The following LRRC72 variants were observed in gnomAD, a reference collection of about 807,000 sequenced individuals.
LRRC72 encodes the protein leucine-rich repeat-containing protein 72.
In LRRC72, 41 loss-of-function variants were observed where a neutral mutation model predicts 35.8. That is an observed-to-expected ratio of 1.15 (90% CI 0.89 to 1.49). The LOEUF is 1.49. LRRC72 is among the 40% of genes most tolerant of loss of function. LRRC72 has a pLI of 0.00. For synonymous variants in LRRC72, 118 were observed against 119.2 expected, an observed-to-expected ratio of 0.99 and a Z score of 0.07; for missense variants, 389 against 330.7, an observed-to-expected ratio of 1.18 and a Z score of -1.37.
At chr7:16,550,654 A>C (rs902924045) in intron 3 of LRRC72, among the ~76,000 whole-genome samples, 2 of 152,180 alleles carry the variant, frequency 1.3e-5, no homozygotes, top group Non-Finnish European at 2.9e-5. Context: ...CTTTTCTCTA[A>C]GTCACTTGCT....
At chr7:16,532,466 A>G (rs1782184638) in intron 1 of LRRC72, 29 bp from the exon 2 acceptor site, 15 of 1,505,654 alleles carry the variant, frequency 1.0e-5, no homozygotes, top group Non-Finnish European at 1.4e-5. Flanking sequence ...ATTGGAATGT[A>G]GTTTGACAGA....
chr7:16,567,526 C>A lies in LRRC72; in HGVS notation c.653C>A (p.Ala218Asp). 6.9e-7 allele frequency: 1 copy of A among 1,452,478 alleles called. No homozygotes were observed. The highest frequency in any genetic ancestry group is 1.6e-5 in the South Asian group (1 of 63,982). The allele number at this position is 1,452,478 out of a possible 1,614,324, so 90.0% of individuals were successfully genotyped here. The change falls in exon 7 of 9, where the codon GCC becomes GAC. Residue 218 changes from alanine to aspartate, a missense_variant. Ala to Asp is a moderately radical substitution (Grantham distance 126). Coordinates refer to ENST00000401542, the MANE Select transcript of LRRC72 (RefSeq NM_001195280.2). The stretch of plus-strand genomic sequence containing the variant: ...AAATCACCATTTAAGCAAAAACCAG[C>A]CCAGAGAGTACCTTCAGGTATTTCG... Reference protein sequence around the residue: ...DPKSPFKQKPAQRVPSDFAFA... With the variant: ...DPKSPFKQKPDQRVPSDFAFA...
At chr7:16,550,468 C>T (rs1316294316) in intron 3 of LRRC72, among the ~76,000 whole-genome samples, 1 of 152,132 alleles carries the variant, frequency 6.6e-6, no homozygotes, top group Admixed American at 6.5e-5. Context: ...AAGACCCAAC[C>T]TCCTTACTCC....
Position 16,567,422 on chromosome 7 carries a change from T to G in LRRC72, c.549T>G (p.Ile183Met). The G allele has an allele frequency of 2.0e-6, 3 of 1,511,132 alleles. No individual in the cohort carries two copies. 93.6% of individuals were successfully genotyped at this position (1,511,132 alleles called of 1,614,324 possible). A position where few individuals can be genotyped will look rare whatever the true frequency, so the allele number is the denominator to read the frequency against. ...QVTEKERRSM[I>M]TIFNHKKAHI... is the part of the protein sequence containing the mutation. ...CAGAAAAAGAAAGAAGATCAATGAT[T>G]ACCATTTTTAACCATAAAAAGGCTC... is the stretch of plus-strand genomic sequence containing the variant. Residue 183 changes from isoleucine to methionine, a missense_variant, in exon 7 of 9, where the codon ATT becomes ATG. Ile to Met is a conservative substitution (Grantham distance 10). Coordinates refer to ENST00000401542, the MANE Select transcript of LRRC72 (RefSeq NM_001195280.2).
intron 5 of LRRC72, among the ~76,000 whole-genome samples, chr7:16,560,282 A>G (rs1170290309): frequency 6.6e-6 from 1 of 152,186 alleles, no homozygotes; most frequent in East Asian, 1.9e-4. Flanking sequence ...TTGATGGTGA[A>G]AGTTCTAATC....
chr7:16,548,847 C>G (rs911024810), intron 3 of LRRC72, among the ~76,000 whole-genome samples: 1 of 152,212 alleles, frequency 6.6e-6, no homozygotes, highest in Non-Finnish European at 1.5e-5. Flanking sequence ...TCCCGCAACA[C>G]GATCTCCAAG....
intron 3 of LRRC72, among the ~76,000 whole-genome samples, chr7:16,555,682 G>C (rs1238760442): frequency 6.6e-6 from 1 of 152,210 alleles, no homozygotes; most frequent in Non-Finnish European, 1.5e-5. Flanking sequence ...TGAGGTGGGA[G>C]AATCACTTGA....
chr7:16,561,457 C>T (rs1782742879), intron 5 of LRRC72, among the ~76,000 whole-genome samples: 1 of 152,152 alleles, frequency 6.6e-6, no homozygotes, highest in African/African-American at 2.4e-5. Context: ...CCAGCCCATG[C>T]CCTGCTTGTC....
intron 3 of LRRC72, among the ~76,000 whole-genome samples, chr7:16,544,582 A>G (rs1224291289): frequency 6.6e-6 from 1 of 152,182 alleles, no homozygotes; most frequent in African/African-American, 2.4e-5. Flanking sequence ...CCTCTCATGA[A>G]AGGTTGAGTT....
intron 5 of LRRC72, among the ~76,000 whole-genome samples, chr7:16,565,326 A>G (rs1782809981): frequency 1.3e-5 from 2 of 152,008 alleles, no homozygotes. Context: ...CCAGCTACTC[A>G]GGAGGCTGAA....
chr7:16,537,709 T>G lies in LRRC72; in HGVS notation c.234+13T>G. ...TCATCATAACAAGGTAGTGTTTTATTTTATCTTTCAATTACTAAAATTAAA... is the reference window on the plus strand; with the variant it reads ...TCATCATAACAAGGTAGTGTTTTATGTTATCTTTCAATTACTAAAATTAAA... On this transcript the variant is annotated intron_variant, in intron 3 of 8. Coordinates refer to ENST00000401542, the MANE Select transcript of LRRC72 (RefSeq NM_001195280.2). 7.4e-7 allele frequency: 1 copy of G among 1,348,636 alleles called. No homozygotes were observed. Among genetic ancestry groups the G allele is most frequent in the Non-Finnish European group, 1.0e-6 (1 of 987,574 alleles). 83.5% of individuals were successfully genotyped at this position (1,348,636 alleles called of 1,614,324 possible). A position where few individuals can be genotyped will look rare whatever the true frequency, so the allele number is the denominator to read the frequency against.
intron 5 of LRRC72, among the ~76,000 whole-genome samples, chr7:16,559,434 A>G (rs548203099): frequency 6.6e-6 from 1 of 152,242 alleles, no homozygotes; most frequent in South Asian, 2.1e-4. Context: ...ATAAGGCTAG[A>G]TCTTATTGTC....
rs1232372289 is a variant in LRRC72, at chr7:16,580,080, C to A, written c.677C>A (p.Ala226Glu). The change falls in exon 8 of 9, where the codon GCA becomes GAA. Residue 226 changes from alanine (A) to glutamate (E), a missense_variant. Physicochemically the swap from Ala to Glu is moderately radical, Grantham distance 107. Transcript: ENST00000401542. ...AAATGTATTTTTTTTTTAGATTTTG[C>A]ATTTGCAAATAATGTAGACAAGTAA... ...KPAQRVPSDF[A>E]FANNVDKTVL... The A allele has an allele frequency of 2.4e-6, 1 of 419,524 alleles. No individual in the cohort carries two copies. Among genetic ancestry groups the A allele is most frequent in the Non-Finnish European group, 4.2e-6 (1 of 237,270 alleles). The allele number at this position is 419,524 out of a possible 1,614,324, so 26.0% of individuals were successfully genotyped here. A position where few individuals can be genotyped will look rare whatever the true frequency, so the allele number is the denominator to read the frequency against.
chr7:16,566,833 G>T (rs1050286792), intron 6 of LRRC72, among the ~76,000 whole-genome samples: 3 of 152,074 alleles, frequency 2.0e-5, no homozygotes, highest in Admixed American at 1.3e-4. Context: ...TACAATGAAT[G>T]ATGACTTCTT....
chr7:16,532,065 C>CCCTG (rs1782174595), intron 1 of LRRC72, among the ~76,000 whole-genome samples: 1 of 152,166 alleles, frequency 6.6e-6, no homozygotes, highest in Non-Finnish European at 1.5e-5. Context: ...CCTATAATAA[C>CCCTG]ATACATTTTA....
chr7:16,555,740 C>A (rs1173008211), intron 3 of LRRC72, among the ~76,000 whole-genome samples: 1 of 151,964 alleles, frequency 6.6e-6, no homozygotes, highest in Non-Finnish European at 1.5e-5. Flanking sequence ...GATCGTGCCA[C>A]TGCACTCCAG....
chr7:16,575,223 G>A (rs764702478), intron 7 of LRRC72, among the ~76,000 whole-genome samples: 6 of 152,108 alleles, frequency 3.9e-5, no homozygotes, highest in African/African-American at 7.2e-5. Context: ...ATAGGCCATC[G>A]GTCACTCATA....
chr7:16,579,578 A>G (rs1360537646), intron 7 of LRRC72, among the ~76,000 whole-genome samples: 2 of 152,120 alleles, frequency 1.3e-5, no homozygotes, highest in Non-Finnish European at 2.9e-5. Flanking sequence ...AGCTAGGAAG[A>G]TCTAGATTCT....
At chr7:16,559,025 C>A in intron 5 of LRRC72, 26 bp downstream of exon 5, 2 of 1,310,728 alleles carry the variant, frequency 1.5e-6, no homozygotes, top group South Asian at 1.3e-5. Flanking sequence ...TTTATATGGC[C>A]ATAAGTTAAA....
Sources: allele counts gnomAD v4.1 joint callset (sites outside exome capture counted in the v4.1 genomes callset), GRCh38; gene constraint gnomAD v4.1.1; transcripts MANE v1.5; gene names NCBI Gene and HGNC (gene_info 2026-07-23, HGNC 2026-07-21).